The following ZBTB41 variants were observed in gnomAD, a reference collection of about 807,000 sequenced individuals.
The protein encoded by ZBTB41 is zinc finger and BTB domain-containing protein 41.
ZBTB41 carries 42 observed loss-of-function variants against 87.6 expected under a neutral mutation model. The observed-to-expected ratio is 0.48, with a 90% CI of 0.37 to 0.62. ZBTB41 has a LOEUF of 0.62. ZBTB41 is among the 20% of genes least tolerant of loss of function. ZBTB41 has a pLI of 0.00. For synonymous variants in ZBTB41, 364 were observed against 364.0 expected (o/e 1.00, Z 0.00); for missense variants, 799 against 1,078.9 (o/e 0.74, Z 3.63).
At chr1:197,186,892 C>A (rs530147277) in intron 5 of ZBTB41, among the ~76,000 whole-genome samples, 176 of 151,146 alleles carry the variant, frequency 1.2e-3, no homozygotes, top group South Asian at 3.8e-3. Flanking sequence ...ACAAAAAAAC[C>A]AAAAAAAATT....
intron 2 of ZBTB41, among the ~76,000 whole-genome samples, chr1:197,193,281 T>C (rs543930803): frequency 6.6e-6 from 1 of 152,114 alleles, no homozygotes; most frequent in South Asian, 2.1e-4. Flanking sequence ...CTCATGCCTG[T>C]AATCTCAGCA....
In ZBTB41 at chr1:197,156,379, T is replaced by G. The variant is rs906095933; in HGVS notation, c.*2980A>C. 1.3e-5 allele frequency: 2 copies of G among 152,232 alleles called. No individual in the cohort carries two copies. Among genetic ancestry groups the G allele is most frequent in the African/African-American group, 4.8e-5 (2 of 41,430 alleles). The allele number at this position is 152,232 out of a possible 1,614,324, so 9.4% of individuals were successfully genotyped here. On this transcript the variant is annotated 3_prime_UTR_variant, in exon 11 of 11. Coordinates refer to ENST00000367405, the MANE Select transcript of ZBTB41 (RefSeq NM_194314.3). The stretch of plus-strand genomic sequence containing the variant: ...TTAACACATTCCTGCACTTGATAAA[T>G]TATTCAATTTACAGATTAAGTGCTA...
In ZBTB41 at chr1:197,200,430, T is replaced by C. The variant is rs1652718317; in HGVS notation, c.44A>G (p.His15Arg). The C allele has an allele frequency of 6.2e-7, 1 of 1,606,046 alleles. No individual in the cohort carries two copies. Among genetic ancestry groups the C allele is most frequent in the Admixed American group, 1.7e-5 (1 of 57,838 alleles). The change falls in exon 2 of 11, where the codon CAT becomes CGT. Residue 15 changes from histidine (H) to arginine (R), a missense_variant. By Grantham distance (29) the His-to-Arg change is conservative (BLOSUM62 0). This residue lies in a region of ZBTB41 where 77 missense variants were observed against 68.4 expected (regional missense o/e 1.13). Coordinates refer to ENST00000367405, the MANE Select transcript of ZBTB41 (RefSeq NM_194314.3). Reference protein sequence around the residue: ...RKVTSNLEKIHLGYHKDSSEG... With the variant: ...RKVTSNLEKIRLGYHKDSSEG... ...TGAAGAATCTTTATGATAGCCTAGA[T>C]GGATCTTCTCAAGATTTGAAGTAAC...
In ZBTB41 at chr1:197,191,739, A is replaced by G; in HGVS notation, c.1281T>C (p.Cys427=). 6.2e-7 allele frequency: 1 copy of G among 1,613,688 alleles called. No homozygotes were observed. Residue 427 remains cysteine (C), a synonymous_variant, in exon 3 of 11, where the codon TGT becomes TGC. Transcript: ENST00000367405. ...TCTTCTTGCTTGCATGAAGTTTATT[A>G]CAATAAGGGCACTTGTGCTCCTTCT... ...FHKKEHKCPY[C]NKLHASKKTL... is the part of the protein sequence containing the mutation.
At chr1:197,170,757 T>C (rs1395377194) in intron 10 of ZBTB41, among the ~76,000 whole-genome samples, 1 of 152,168 alleles carries the variant, frequency 6.6e-6, no homozygotes, top group Non-Finnish European at 1.5e-5. Context: ...ACATTGTCTA[T>C]GGCTGCTTTC....
intron 10 of ZBTB41, among the ~76,000 whole-genome samples, chr1:197,170,838 G>A (rs2125127157): frequency 6.6e-6 from 1 of 152,230 alleles, no homozygotes; most frequent in Admixed American, 6.5e-5. Context: ...TTACTATCTA[G>A]CCCTCAACAA....
chr1:197,188,011 G>T (rs1386139920), intron 5 of ZBTB41, among the ~76,000 whole-genome samples: 4 of 152,150 alleles, frequency 2.6e-5, no homozygotes, highest in Non-Finnish European at 5.9e-5. Flanking sequence ...GTCTAAACTA[G>T]AGTCTTTGGG....
chr1:197,189,086 T>C (rs1369060604), intron 4 of ZBTB41, among the ~76,000 whole-genome samples: 1 of 152,224 alleles, frequency 6.6e-6, no homozygotes, highest in African/African-American at 2.4e-5. Context: ...GACACTATCT[T>C]ATGCAGACTA....
At chr1:197,163,032 A>T (rs1395810288) in intron 10 of ZBTB41, among the ~76,000 whole-genome samples, 2 of 152,212 alleles carry the variant, frequency 1.3e-5, no homozygotes, top group African/African-American at 4.8e-5. Flanking sequence ...ATATTTCAGC[A>T]ATCCCAAGAA....
chr1:197,159,390 T>C lies in ZBTB41; in HGVS notation c.2699A>G (p.Gln900Arg). The C allele has an allele frequency of 6.2e-7, 1 of 1,613,786 alleles. No homozygotes were observed. Among genetic ancestry groups the C allele is most frequent in the Non-Finnish European group, 8.5e-7 (1 of 1,179,736 alleles). ...LLGLDSTTGVQNISTNEHHS is the reference protein window; with the variant it reads ...LLGLDSTTGVRNISTNEHHS ...ATGATGCTCATTCGTAGAAATATTT[T>C]GAACACCAGTAGTGCTATCAAGGCC... The change falls in exon 11 of 11, where the codon CAA (glutamine) becomes CGA (arginine). Residue 900 changes from glutamine to arginine, a missense_variant. Transcript: ENST00000367405.
At chr1:197,183,218 T>C (rs1450955327) in intron 5 of ZBTB41, among the ~76,000 whole-genome samples, 1 of 152,154 alleles carries the variant, frequency 6.6e-6, no homozygotes, top group African/African-American at 2.4e-5. Flanking sequence ...ACTATAATAC[T>C]AGAAATGACA....
At chr1:197,200,612 G>A in intron 1 of ZBTB41, 22 bp from the exon 2 acceptor site, 1 of 686,036 alleles carries the variant, frequency 1.5e-6, no homozygotes, top group Non-Finnish European at 2.2e-6. Flanking sequence ...TGAGAACCAC[G>A]TAAAATAACT....
At position 197,180,673 on chromosome 1, in the gene ZBTB41, T is replaced by C. The variant is rs370819689; in HGVS notation, c.1676+315A>G. ...ATAGCTTCCAAACCTGTGTCATTCA[T>C]GTTACATTTCTGTTCTCCCTATCTT... is the stretch of plus-strand genomic sequence containing the variant. On this transcript the variant is annotated intron_variant, in intron 6 of 10. Coordinates refer to ENST00000367405, the MANE Select transcript of ZBTB41 (RefSeq NM_194314.3). 3.4e-5 allele frequency among the ~76,000 whole-genome samples: 5 copies of C among 148,366 alleles called. No homozygotes were observed. The East Asian group carries it at 5.8e-4, about 17-fold the overall frequency.
Position 197,174,569 on chromosome 1 carries a change from T to C in ZBTB41, c.1985+441A>G, listed in dbSNP as rs77399734. On this transcript the variant is annotated intron_variant, in intron 9 of 10. Transcript: ENST00000367405. ...ACTTAGCAACTAACCTCAGTTAAACTTGGATATCTAAATTATACTAAAAAG... is the reference window on the plus strand; with the variant it reads ...ACTTAGCAACTAACCTCAGTTAAACCTGGATATCTAAATTATACTAAAAAG... Among the ~76,000 whole-genome samples the C allele has an allele frequency of 7.8e-3, 1,193 of 152,232 alleles. 10 individuals carry two copies. Among genetic ancestry groups the C allele is most frequent in the African/African-American group, 0.026 (1,084 of 41,536 alleles).
At chr1:197,189,033 T>C (rs1659955065) in intron 4 of ZBTB41, among the ~76,000 whole-genome samples, 3 of 152,210 alleles carry the variant, frequency 2.0e-5, no homozygotes, top group Admixed American at 1.3e-4. Context: ...ACTGGCATTA[T>C]TAACATTTTA....
chr1:197,164,515 A>G (rs1305453138), intron 10 of ZBTB41, among the ~76,000 whole-genome samples: 4 of 151,684 alleles, frequency 2.6e-5, no homozygotes, highest in East Asian at 1.9e-4. Context: ...TATCATAAAT[A>G]TAAGTCCAAA....
In ZBTB41 at chr1:197,154,076, CA is replaced by C. The variant is rs1185311171; in HGVS notation, c.*5282del. 2 of 152,532 alleles carry C rather than the reference CA, an allele frequency of 1.3e-5. No individual in the cohort carries two copies. The highest frequency in any genetic ancestry group is 2.4e-5 in the African/African-American group (1 of 41,424). 9.4% of individuals were successfully genotyped at this position (152,532 alleles called of 1,614,324 possible). ...ATTATTTTCTGGCAGCCACACTCAT[CA>C]ATTGTAATACAGTTTTATCAATAGG... is the stretch of plus-strand genomic sequence containing the variant. On this transcript the variant is annotated 3_prime_UTR_variant, in exon 11 of 11. Coordinates refer to ENST00000367405, the MANE Select transcript of ZBTB41 (RefSeq NM_194314.3).
chr1:197,198,410 A>G (rs1166486271), intron 2 of ZBTB41, among the ~76,000 whole-genome samples: 2 of 152,208 alleles, frequency 1.3e-5, no homozygotes, highest in African/African-American at 2.4e-5. Flanking sequence ...TATCAATAAC[A>G]TAAGTAAGTT....
intron 10 of ZBTB41, among the ~76,000 whole-genome samples, chr1:197,162,590 TTTCAGACTTAC>T (rs1659227545): frequency 6.6e-6 from 1 of 152,178 alleles, no homozygotes; most frequent in African/African-American, 2.4e-5. Flanking sequence ...TTCAGACTTA[TTTCAGACTTAC>T]ATCATATCAT....
Sources: gnomAD v4.1 joint callset for allele counts (sites outside exome capture counted in the v4.1 genomes callset) on GRCh38, gnomAD v4.1.1 for gene constraint, gnomAD v4.1.1 regional missense constraint, MANE v1.5 for transcripts, NCBI Gene and HGNC (gene_info 2026-07-23, HGNC 2026-07-21) for gene names.